Variants in KHDRBS3 observed in about 807,000 individuals in gnomAD.
The protein encoded by KHDRBS3 is KH RNA binding domain containing, signal transduction associated 3, also known as KH domain-containing, RNA-binding, signal transduction-associated protein 3.
In KHDRBS3, 23 loss-of-function variants were observed where a neutral mutation model predicts 45.6. The observed-to-expected ratio is 0.50, with a 90% CI of 0.36 to 0.72. The LOEUF (loss-of-function observed/expected upper bound fraction) is 0.72. KHDRBS3 is among the 30% of genes least tolerant of loss of function. The pLI is 0.00. For synonymous variants in KHDRBS3, 162 were observed against 156.5 expected, an observed-to-expected ratio of 1.04 and a Z score of -0.26; for missense variants, 352 against 424.8, an observed-to-expected ratio of 0.83 and a Z score of 1.51.
At chr8:135,495,441 T>C (rs1823388673) in intron 1 of KHDRBS3, among the ~76,000 whole-genome samples, 1 of 152,216 alleles carries the variant, frequency 6.6e-6, no homozygotes, top group African/African-American at 2.4e-5. Context: ...TTAATTACCT[T>C]TAGGACTTAG....
intron 2 of KHDRBS3, among the ~76,000 whole-genome samples, chr8:135,523,005 C>T (rs907492609): frequency 2.6e-5 from 4 of 152,112 alleles, no homozygotes; most frequent in Non-Finnish European, 5.9e-5. Context: ...TAGTTCACTT[C>T]TTTTAATCTA....
chr8:135,550,978 C>T, intron 4 of KHDRBS3, among the ~76,000 whole-genome samples: 1 of 152,050 alleles, frequency 6.6e-6, no homozygotes, highest in East Asian at 1.9e-4. Flanking sequence ...ATATTGTATA[C>T]TTTTTGATAC....
intron 1 of KHDRBS3, among the ~76,000 whole-genome samples, chr8:135,485,091 T>C (rs1822782679): frequency 6.6e-6 from 1 of 152,142 alleles, no homozygotes; most frequent in African/African-American, 2.4e-5. Context: ...CAATTATCCT[T>C]CTTACTCAGT....
chr8:135,481,323 A>G (rs997535313), intron 1 of KHDRBS3, among the ~76,000 whole-genome samples: 3 of 148,324 alleles, frequency 2.0e-5, no homozygotes, highest in African/African-American at 7.5e-5. Context: ...GTGCATATCA[A>G]CTCATATTCT....
rs1171544896 is a variant in KHDRBS3 at position 135,557,930 on chromosome 8, A to G, written c.611+343A>G. ...GAGTGAGATATTCCTGGGCTTAAAT[A>G]TAACCTGTGACACTTATTAGCTGAT... On this transcript the variant is annotated intron_variant, in intron 5 of 8. Transcript: ENST00000355849. 3.9e-5 allele frequency among the ~76,000 whole-genome samples: 6 copies of G among 152,350 alleles called. 1 individual carries two copies. In the South Asian group the frequency reaches 1.2e-3, roughly 32 times the overall value.
intron 6 of KHDRBS3, among the ~76,000 whole-genome samples, chr8:135,584,864 T>A (rs1214230660): frequency 1.3e-5 from 2 of 152,104 alleles, no homozygotes; most frequent in Non-Finnish European, 2.9e-5. Context: ...TAAAGATTAC[T>A]CACCCATCAC....
At position 135,542,476 on chromosome 8, in the gene KHDRBS3, G is replaced by A. The variant is rs953360871; in HGVS notation, c.208-178G>A. ...AATATATCAGGGTTTTTTATTTTAC[G>A]TTTAGCCCCGTTTTATGTGGTGTGT... On this transcript the variant is annotated intron_variant, in intron 2 of 8. Coordinates refer to ENST00000355849, the MANE Select transcript of KHDRBS3 (RefSeq NM_006558.3). 1.0e-5 allele frequency: 5 copies of A among 495,800 alleles called. No homozygotes were observed. In the Admixed American group the frequency reaches 1.1e-4, roughly 11 times the overall value. 30.7% of individuals were successfully genotyped at this position (495,800 alleles called of 1,614,324 possible).
chr8:135,608,042 T>C (rs1021463858), intron 7 of KHDRBS3, among the ~76,000 whole-genome samples: 2 of 152,200 alleles, frequency 1.3e-5, no homozygotes, highest in Non-Finnish European at 2.9e-5. Flanking sequence ...GTGTTGAGGG[T>C]AGACCTAACA....
chr8:135,603,083 A>G (rs1563799392), intron 6 of KHDRBS3, among the ~76,000 whole-genome samples: 1 of 152,248 alleles, frequency 6.6e-6, no homozygotes, highest in East Asian at 1.9e-4. Flanking sequence ...TACACCTGGG[A>G]AATTTTCTTC....
At chr8:135,499,870 T>C (rs1421651978) in intron 1 of KHDRBS3, among the ~76,000 whole-genome samples, 1 of 152,200 alleles carries the variant, frequency 6.6e-6, no homozygotes, top group African/African-American at 2.4e-5. Context: ...ATTCCTGTGC[T>C]AGAGTTCTTA....
At chr8:135,638,455 C>T (rs1830910999) in intron 7 of KHDRBS3, among the ~76,000 whole-genome samples, 1 of 152,142 alleles carries the variant, frequency 6.6e-6, no homozygotes, top group Non-Finnish European at 1.5e-5. Flanking sequence ...CTGAGAACCT[C>T]AAAAGCAAAA....
downstream of KHDRBS3, among the ~76,000 whole-genome samples, chr8:135,650,603 G>A (rs1299535551): frequency 1.3e-5 from 2 of 152,142 alleles, no homozygotes; most frequent in East Asian, 1.9e-4. Context: ...GGTAGAGCCC[G>A]GATTTGAACC....
chr8:135,512,429 C>CGG (rs67971673), intron 1 of KHDRBS3, among the ~76,000 whole-genome samples: 24,273 of 77,194 alleles, frequency 0.31, 4,238 homozygotes, highest in East Asian at 0.37. Flanking sequence ...TTGGAAAAGT[C>CGG]GGGGGGGGGG....
chr8:135,654,314 C>T (rs553499570), intron 4 of KHDRBS3, among the ~76,000 whole-genome samples: 1 of 152,308 alleles, frequency 6.6e-6, no homozygotes, highest in African/African-American at 2.4e-5. Flanking sequence ...TGTTTATAAA[C>T]ATCTGTGGAA....
At chr8:135,562,080 T>C (rs1827196624) in intron 5 of KHDRBS3, among the ~76,000 whole-genome samples, 1 of 152,192 alleles carries the variant, frequency 6.6e-6, no homozygotes, top group Admixed American at 6.5e-5. Flanking sequence ...TTTAGTGTAG[T>C]CCAAGTTTAT....
At chr8:135,558,132 A>C (rs1826981765) in intron 5 of KHDRBS3, among the ~76,000 whole-genome samples, 1 of 152,214 alleles carries the variant, frequency 6.6e-6, no homozygotes, top group Admixed American at 6.5e-5. Context: ...TCCTAAGCAC[A>C]GTGTGAGACA....
intron 1 of KHDRBS3, among the ~76,000 whole-genome samples, chr8:135,482,093 C>T (rs2130329481): frequency 6.6e-6 from 1 of 152,322 alleles, no homozygotes; most frequent in Non-Finnish European, 1.5e-5. Context: ...AATAGGCACA[C>T]TGCCAGAATA....
chr8:135,611,383 G>C (rs1198384237), intron 7 of KHDRBS3, among the ~76,000 whole-genome samples: 2 of 151,954 alleles, frequency 1.3e-5, no homozygotes, highest in African/African-American at 4.9e-5. Context: ...CTATATATTA[G>C]TATCTTTTCC....
At chr8:135,464,574 G>GA (rs747093083) in intron 1 of KHDRBS3, among the ~76,000 whole-genome samples, 6 of 151,804 alleles carry the variant, frequency 4.0e-5, no homozygotes, top group South Asian at 2.1e-4. Context: ...GTTCACAAAA[G>GA]AAAAAAAAGT....
Sources: allele counts gnomAD v4.1 joint callset (sites outside exome capture counted in the v4.1 genomes callset), GRCh38; gene constraint gnomAD v4.1.1; transcripts MANE v1.5; gene names NCBI Gene and HGNC (gene_info 2026-07-23, HGNC 2026-07-21).